PCDH17: variants seen among roughly 807,000 people sequenced by gnomAD.
PCDH17 encodes protocadherin-17.
PCDH17 carries 21 observed loss-of-function variants against 67.7 expected under a neutral mutation model. The observed-to-expected ratio is 0.31, with a 90% CI of 0.22 to 0.45. The LOEUF (loss-of-function observed/expected upper bound fraction) is 0.45, where lower values mean the gene tolerates loss of function less well. Among genes scored for constraint, PCDH17 ranks in the 20% least tolerant of loss-of-function variants. The pLI is 1.00. For synonymous variants in PCDH17, 701 were observed against 656.7 expected (o/e 1.07, Z -1.03); for missense variants, 1,471 against 1,564.8 (o/e 0.94, Z 1.01).
At chr13:57,682,593 C>T (rs534140144) in intron 3 of PCDH17, among the ~76,000 whole-genome samples, 12 of 151,920 alleles carry the variant, frequency 7.9e-5, no homozygotes, top group Admixed American at 2.6e-4. Context: ...AGGAAAGAGG[C>T]GTCTAGTGCT....
intron 3 of PCDH17, among the ~76,000 whole-genome samples, chr13:57,702,780 T>C (rs966576302): frequency 6.6e-6 from 1 of 152,086 alleles, no homozygotes; most frequent in African/African-American, 2.4e-5. Flanking sequence ...CATAGACCCA[T>C]AGGAGAACAC....
At position 57,724,962 on chromosome 13, in the gene PCDH17, A is replaced by G; in HGVS notation, c.3148A>G (p.Thr1050Ala). 1.2e-6 allele frequency: 2 copies of G among 1,614,194 alleles called. No homozygotes were observed. Among genetic ancestry groups the G allele is most frequent in the Non-Finnish European group, 1.7e-6 (2 of 1,180,032 alleles). The stretch of plus-strand genomic sequence containing the variant: ...GGCGTGCATCGAGCCTTGCACCTCA[A>G]CAAAAGGCTCCCTGGATGGCTGTGA... ...TKACIEPCTS[T>A]KGSLDGCEAK... The change falls in exon 4 of 4, where the codon ACA becomes GCA. Residue 1050 changes from threonine (T) to alanine (A), a missense_variant. By Grantham distance (58) the Thr-to-Ala change is moderately conservative. Coordinates refer to ENST00000377918, the MANE Select transcript of PCDH17 (RefSeq NM_001040429.3).
At chr13:57,644,053 C>G (rs1373871106) in intron 1 of PCDH17, among the ~76,000 whole-genome samples, 1 of 151,658 alleles carries the variant, frequency 6.6e-6, no homozygotes, top group African/African-American at 2.4e-5. Flanking sequence ...TATCAGAAAA[C>G]AGTAACTATT....
intron 3 of PCDH17, among the ~76,000 whole-genome samples, chr13:57,722,341 C>T (rs1955878106): frequency 6.6e-6 from 1 of 152,096 alleles, no homozygotes; most frequent in Non-Finnish European, 1.5e-5. Context: ...ATTTCAAAGA[C>T]AGTGTATGAG....
chr13:57,712,872 T>C (rs960235882), intron 3 of PCDH17, among the ~76,000 whole-genome samples: 4 of 151,614 alleles, frequency 2.6e-5, no homozygotes, highest in African/African-American at 9.7e-5. Context: ...GGAATGCACT[T>C]CACTCTTACT....
In PCDH17 at chr13:57,724,986, G is replaced by A; in HGVS notation, c.3172G>A (p.Glu1058Lys). ...AACAAAAGGCTCCCTGGATGGCTGTGAAGCAAAACCAGGAGCCCTGGCTGA... is the reference window on the plus strand; with the variant it reads ...AACAAAAGGCTCCCTGGATGGCTGTAAAGCAAAACCAGGAGCCCTGGCTGA... ...TSTKGSLDGC[E>K]AKPGALAEAS... The change falls in exon 4 of 4, where the codon GAA becomes AAA. Residue 1058 changes from glutamate (E) to lysine (K), a missense_variant. This residue lies in a region of PCDH17 where 297 missense variants were observed against 298.6 expected (regional missense o/e 0.99). Coordinates refer to ENST00000377918, the MANE Select transcript of PCDH17 (RefSeq NM_001040429.3). 1 of 1,614,162 alleles carries A rather than the reference G, an allele frequency of 6.2e-7. No homozygotes were observed. Among genetic ancestry groups the A allele is most frequent in the South Asian group, 1.1e-5 (1 of 91,084 alleles).
chr13:57,719,946 G>A (rs993643278), intron 3 of PCDH17, among the ~76,000 whole-genome samples: 1 of 151,974 alleles, frequency 6.6e-6, no homozygotes, highest in South Asian at 2.1e-4. Context: ...AAATGGCTAT[G>A]CACTCCTGTG....
chr13:57,704,180 G>A (rs1374608524), intron 3 of PCDH17, among the ~76,000 whole-genome samples: 5 of 152,100 alleles, frequency 3.3e-5, no homozygotes, highest in South Asian at 2.1e-4. Flanking sequence ...ATCACAACCC[G>A]GCTGTACCTG....
At chr13:57,719,254 A>G (rs1166650023) in intron 3 of PCDH17, among the ~76,000 whole-genome samples, 1 of 152,082 alleles carries the variant, frequency 6.6e-6, no homozygotes, top group African/African-American at 2.4e-5. Context: ...CCACAGTAAT[A>G]GGAGAACACA....
intron 1 of PCDH17, among the ~76,000 whole-genome samples, chr13:57,638,526 G>C (rs928583823): frequency 6.6e-6 from 1 of 151,946 alleles, no homozygotes; most frequent in Non-Finnish European, 1.5e-5. Context: ...AGCAGAATAA[G>C]ATCTACTAAA....
intron 3 of PCDH17, among the ~76,000 whole-genome samples, chr13:57,710,279 A>G (rs1955763434): frequency 6.6e-6 from 1 of 151,910 alleles, no homozygotes; most frequent in African/African-American, 2.4e-5. Flanking sequence ...TACACATCAT[A>G]TTAGCTAAGT....
At chr13:57,670,951 T>C (rs957252342) in intron 3 of PCDH17, among the ~76,000 whole-genome samples, 1 of 151,972 alleles carries the variant, frequency 6.6e-6, no homozygotes, top group African/African-American at 2.4e-5. Context: ...TGTACTGTAC[T>C]AGAGCTGAAG....
intron 3 of PCDH17, among the ~76,000 whole-genome samples, chr13:57,667,658 G>T (rs1695600560): frequency 6.6e-6 from 1 of 151,460 alleles, no homozygotes; most frequent in Non-Finnish European, 1.5e-5. Context: ...TATTATTTCA[G>T]TTGTTTTGAA....
In PCDH17 at chr13:57,632,948, G is replaced by T. The variant is rs373929628; in HGVS notation, c.402G>T (p.Ser134=). ...ACGACAACGCGCCCTCCTTCTCCTC[G>T]GACCAGATCGAAATGGACATCTCGG... ...DINDNAPSFS[S]DQIEMDISEN... Residue 134 remains serine, a synonymous_variant, in exon 1 of 4, where the codon TCG becomes TCT. Coordinates refer to ENST00000377918, the MANE Select transcript of PCDH17 (RefSeq NM_001040429.3). 2 of 1,613,726 alleles carry T rather than the reference G, an allele frequency of 1.2e-6. No homozygotes were observed. The highest frequency in any genetic ancestry group is 2.7e-5 in the African/African-American group (2 of 74,898).
At chr13:57,665,797 C>T (rs767095321) in intron 1 of PCDH17, among the ~76,000 whole-genome samples, 4 of 152,132 alleles carry the variant, frequency 2.6e-5, no homozygotes, top group African/African-American at 4.8e-5. Context: ...TTTATGCTCA[C>T]GTTTTAAGTA....
chr13:57,673,994 T>A lies in PCDH17; in HGVS notation c.2797+7161T>A, dbSNP rs1849309602. 2.0e-5 allele frequency among the ~76,000 whole-genome samples: 3 copies of A among 152,002 alleles called. No homozygotes were observed. In the South Asian group the frequency reaches 6.2e-4, roughly 31 times the overall value. ...CCCACAGTTTACCTAACTTTAAAAG[T>A]TTCAATATATTTTTCACATGTGCAA... On this transcript the variant is annotated intron_variant, in intron 3 of 3. Coordinates refer to ENST00000377918, the MANE Select transcript of PCDH17 (RefSeq NM_001040429.3).
chr13:57,633,745 G>A lies in PCDH17; in HGVS notation c.1199G>A (p.Gly400Asp), dbSNP rs1167106310. Residue 400 changes from glycine to aspartate, a missense_variant, in exon 1 of 4, where the codon GGC becomes GAC. Physicochemically the swap from Gly to Asp is moderately conservative, Grantham distance 94 (BLOSUM62 -1). Transcript: ENST00000377918. The surrounding 1 kb of genome is among the most constrained non-coding windows in gnomAD (Gnocchi z 6.2). ...RVLGGGGTGG[G>D]GGLGGPGGSV... is the part of the protein sequence containing the mutation. ...CTAGGCGGAGGAGGGACGGGCGGCG[G>A]CGGGGGCCTGGGCGGGCCCGGGGGT... 6.3e-7 allele frequency: 1 copy of A among 1,590,604 alleles called. No individual in the cohort carries two copies. The highest frequency in any genetic ancestry group is 8.5e-7 in the Non-Finnish European group (1 of 1,173,666).
chr13:57,711,623 T>C (rs542997688), intron 3 of PCDH17, among the ~76,000 whole-genome samples: 48 of 151,904 alleles, frequency 3.2e-4, no homozygotes, highest in African/African-American at 1.2e-3. Flanking sequence ...TAGCAAAGCT[T>C]GCTAATATTT....
chr13:57,635,208 A>C (rs2137974111), intron 1 of PCDH17, 97 bp downstream of exon 1: 2 of 1,226,104 alleles, frequency 1.6e-6, no homozygotes, highest in South Asian at 2.6e-5. Context: ...TGCCAGCAGC[A>C]GTGAGGGGGA....
Sources: allele counts gnomAD v4.1 joint callset (sites outside exome capture counted in the v4.1 genomes callset), GRCh38; gene constraint gnomAD v4.1.1; regional missense constraint gnomAD v4.1.1; non-coding constraint Gnocchi (gnomAD v3.1); transcripts MANE v1.5; gene names NCBI Gene and HGNC (gene_info 2026-07-23, HGNC 2026-07-21).